EXOC6B: variants seen among roughly 807,000 people sequenced by gnomAD.
EXOC6B encodes SEC15 homolog B.
Under a neutral mutation model 113.5 loss-of-function variants are expected in EXOC6B, and 54 were observed. That is an observed-to-expected ratio of 0.48 (90% CI 0.38 to 0.60). EXOC6B has a LOEUF of 0.60. Among genes scored for constraint, EXOC6B ranks in the 20% least tolerant of loss-of-function variants. The pLI, the probability that EXOC6B is intolerant of heterozygous loss-of-function variation, is 0.00. For synonymous variants in EXOC6B, 357 were observed against 339.0 expected (o/e 1.05, Z -0.58); for missense variants, 797 against 977.5 (o/e 0.82, Z 2.46).
rs952260311 is a variant in EXOC6B, at chr2:72,379,774, A to G, written c.2077T>C (p.Leu693=). The G allele has an allele frequency of 2.5e-6, 4 of 1,613,408 alleles. No individual in the cohort carries two copies. Among genetic ancestry groups the G allele is most frequent in the Non-Finnish European group, 3.4e-6 (4 of 1,179,672 alleles). Residue 693 remains leucine, a synonymous_variant, in exon 19 of 22, where the codon TTG becomes CTG. Coordinates refer to ENST00000272427, the MANE Select transcript of EXOC6B (RefSeq NM_015189.3). Reference sequence around the variant, plus strand: ...AAGTTGAACTGCTGTAATGCTCCCAAGGTGAGCTGCCGCACTTCAGCTTCC... The same window carrying G: ...AAGTTGAACTGCTGTAATGCTCCCAGGGTGAGCTGCCGCACTTCAGCTTCC... ...LLEAEVRQLT[L]GALQQFNLDV...
intron 1 of EXOC6B, among the ~76,000 whole-genome samples, chr2:72,797,093 T>C (rs1456613797): frequency 1.3e-5 from 2 of 152,200 alleles, no homozygotes; most frequent in Non-Finnish European, 2.9e-5. Context: ...GTCATAGGAA[T>C]TGGGATCTAT....
intron 19 of EXOC6B, among the ~76,000 whole-genome samples, chr2:72,348,769 G>T (rs1328044048): frequency 6.6e-6 from 1 of 152,106 alleles, no homozygotes; most frequent in Non-Finnish European, 1.5e-5. Flanking sequence ...TCGTTAACAA[G>T]AAAAATATTA....
intron 19 of EXOC6B, among the ~76,000 whole-genome samples, chr2:72,379,325 T>C (rs1291259863): frequency 1.3e-5 from 2 of 152,240 alleles, no homozygotes; most frequent in African/African-American, 4.8e-5. Context: ...GCACATACCA[T>C]TTGTTCTTTA....
intron 8 of EXOC6B, among the ~76,000 whole-genome samples, chr2:72,535,178 G>C (rs1702211594): frequency 6.6e-6 from 1 of 152,036 alleles, no homozygotes; most frequent in East Asian, 1.9e-4. Flanking sequence ...TTTTAGCAAG[G>C]ACCTCTTTTT....
chr2:72,443,116 G>A (rs1696319098), intron 18 of EXOC6B, among the ~76,000 whole-genome samples: 1 of 152,006 alleles, frequency 6.6e-6, no homozygotes, highest in Non-Finnish European at 1.5e-5. Flanking sequence ...CACTAGGTCA[G>A]GAGTTCGAGA....
chr2:72,534,841 T>C (rs1702194070), intron 8 of EXOC6B, among the ~76,000 whole-genome samples: 1 of 152,208 alleles, frequency 6.6e-6, no homozygotes, highest in Admixed American at 6.5e-5. Flanking sequence ...TTCTTTTCTA[T>C]GCAGTTTTTT....
chr2:72,345,184 T>C (rs1230674742), intron 19 of EXOC6B, among the ~76,000 whole-genome samples: 1 of 152,186 alleles, frequency 6.6e-6, no homozygotes, highest in Non-Finnish European at 1.5e-5. Context: ...AGTTGCAAGC[T>C]TTTTATAGAC....
intron 2 of EXOC6B, among the ~76,000 whole-genome samples, chr2:72,740,650 T>C (rs193300733): frequency 2.0e-5 from 3 of 152,184 alleles, no homozygotes; most frequent in Admixed American, 2.0e-4. Flanking sequence ...AAGAATTTTA[T>C]AGCAATGCCT....
chr2:72,222,698 T>C (rs1172074632), intron 20 of EXOC6B, among the ~76,000 whole-genome samples: 1 of 152,152 alleles, frequency 6.6e-6, no homozygotes, highest in African/African-American at 2.4e-5. Flanking sequence ...ATGCAGCTGG[T>C]GGGCTACATG....
chr2:72,673,729 TTTTTA>T lies in EXOC6B; in HGVS notation c.669+44369_669+44373del, dbSNP rs1228450172. On this transcript the variant is annotated intron_variant, in intron 6 of 21. Transcript: ENST00000272427. ...CTTAGTCAAAAAATATATATTATTATTTTTATTTTATTTTTTTATTTATTTTATTA... is the reference window on the plus strand; with the variant it reads ...CTTAGTCAAAAAATATATATTATTATTTTTATTTTTTTATTTATTTTATTA... Among the ~76,000 whole-genome samples, 7 of 150,112 alleles carry T rather than the reference TTTTTA, an allele frequency of 4.7e-5. No homozygotes were observed. The East Asian group carries it at 1.4e-3, about 29-fold the overall frequency.
chr2:72,389,692 T>C, intron 18 of EXOC6B, among the ~76,000 whole-genome samples: 1 of 152,168 alleles, frequency 6.6e-6, no homozygotes, highest in East Asian at 1.9e-4. Flanking sequence ...TTCAGCATTT[T>C]AATCGTGTCA....
chr2:72,731,593 A>G (rs2104776157), intron 3 of EXOC6B, among the ~76,000 whole-genome samples: 1 of 152,354 alleles, frequency 6.6e-6, no homozygotes, highest in East Asian at 1.9e-4. Context: ...CAGTTTGTTG[A>G]AAAGTAATTC....
chr2:72,210,387 G>C (rs1182099439), intron 20 of EXOC6B, among the ~76,000 whole-genome samples: 16 of 152,198 alleles, frequency 1.1e-4, no homozygotes. Flanking sequence ...ACACGTCAAT[G>C]TGAAGTACGG....
chr2:72,407,163 AGG>A (rs1693834886), intron 18 of EXOC6B, among the ~76,000 whole-genome samples: 1 of 152,222 alleles, frequency 6.6e-6, no homozygotes, highest in Non-Finnish European at 1.5e-5. Flanking sequence ...AGACTAAACC[AGG>A]AAGAAGTTGA....
chr2:72,442,948 A>C (rs892123652), intron 18 of EXOC6B, among the ~76,000 whole-genome samples: 1 of 152,228 alleles, frequency 6.6e-6, no homozygotes, highest in African/African-American at 2.4e-5. Context: ...CTAAGCAAAA[A>C]GAACAAAGCT....
At chr2:72,262,221 T>C (rs1683772884) in intron 20 of EXOC6B, among the ~76,000 whole-genome samples, 1 of 151,994 alleles carries the variant, frequency 6.6e-6, no homozygotes, top group African/African-American at 2.4e-5. Flanking sequence ...TTCCTTTCCT[T>C]GGGTCTCCAC....
At chr2:72,348,192 G>A (rs1336890400) in intron 19 of EXOC6B, among the ~76,000 whole-genome samples, 1 of 151,982 alleles carries the variant, frequency 6.6e-6, no homozygotes, top group East Asian at 1.9e-4. Flanking sequence ...ATCTCTCTGG[G>A]GTCACTTTCG....
chr2:72,548,997 G>A (rs1356446136), intron 8 of EXOC6B, among the ~76,000 whole-genome samples: 1 of 152,008 alleles, frequency 6.6e-6, no homozygotes, highest in African/African-American at 2.4e-5. Flanking sequence ...GGGCGACAGA[G>A]TGAGACGCTG....
At chr2:72,706,595 C>A (rs1221255151) in intron 6 of EXOC6B, among the ~76,000 whole-genome samples, 1 of 152,072 alleles carries the variant, frequency 6.6e-6, no homozygotes, top group African/African-American at 2.4e-5. Context: ...GGCTAACCTG[C>A]TTTATTTCTT....
Sources: allele counts gnomAD v4.1 joint callset (sites outside exome capture counted in the v4.1 genomes callset), GRCh38; gene constraint gnomAD v4.1.1; transcripts MANE v1.5; gene names NCBI Gene and HGNC (gene_info 2026-07-23, HGNC 2026-07-21).